TBC1D3B: variants seen among roughly 807,000 people sequenced by gnomAD.
TBC1D3B encodes the protein TBC1 domain family member 3B.
Under a neutral mutation model 27.1 loss-of-function variants are expected in TBC1D3B, and 2 were observed. That is an observed-to-expected ratio of 0.07 (90% confidence interval 0.03 to 0.23). The LOEUF is 0.23. Ranked by LOEUF, TBC1D3B falls within the 10% of genes least tolerant of loss-of-function variation. The pLI is 1.00. For synonymous variants in TBC1D3B, 3 were observed against 150.1 expected (o/e 0.02, Z 7.16); for missense variants, 17 against 401.3 (o/e 0.04, Z 8.18).
In TBC1D3B at chr17:36,168,912, G is replaced by A. The variant is rs2068301251; in HGVS notation, c.762+168C>T. ...TCCCTGTGCCTCTGTCTCCTCCAGG[G>A]CAGGAAAGGAAACCAACTCCCAGCC... On this transcript the variant is annotated intron_variant, in intron 10 of 13. Coordinates refer to ENST00000611257, the MANE Select transcript of TBC1D3B (RefSeq NM_001001417.7). 1.7e-5 allele frequency among the ~76,000 whole-genome samples: 2 copies of A among 121,076 alleles called. 1 individual carries two copies. Among genetic ancestry groups the A allele is most frequent in the Non-Finnish European group, 4.2e-5 (2 of 47,708 alleles). 79.4% of individuals were successfully genotyped at this position (121,076 alleles called of 152,430 possible). A position where few individuals can be genotyped will look rare whatever the true frequency, so the allele number is the denominator to read the frequency against.
intron 7 of TBC1D3B, among the ~76,000 whole-genome samples, chr17:36,171,299 C>T (rs1439277722): frequency 1.3e-5 from 2 of 151,188 alleles, no homozygotes; most frequent in Admixed American, 1.3e-4. Context: ...AAGCAGTGAA[C>T]CTGGCATGCT....
Position 36,168,353 on chromosome 17 carries a change from G to GA in TBC1D3B, c.829-188dup, listed in dbSNP as rs1256225661. ...CATGGGGGGCACTCATTTGAGTGGG[G>GA]ATGTGGCTCCTGGAGAGAGGGGCTT... On this transcript the variant is annotated intron_variant, in intron 11 of 13. Transcript: ENST00000611257. 1.0e-4 allele frequency among the ~76,000 whole-genome samples: 6 copies of GA among 57,656 alleles called. 2 individuals are homozygous for GA. The highest frequency in any genetic ancestry group is 3.5e-4 in the Admixed American group (3 of 8,506). 37.8% of individuals were successfully genotyped at this position (57,656 alleles called of 152,430 possible). A position where few individuals can be genotyped will look rare whatever the true frequency, so the allele number is the denominator to read the frequency against.
chr17:36,168,340 T>C (rs1185502029), intron 11 of TBC1D3B, among the ~76,000 whole-genome samples, 174 bp from the exon 12 acceptor site: 9 of 55,380 alleles, frequency 1.6e-4, no homozygotes, highest in African/African-American at 5.0e-4. Flanking sequence ...TGGGGGGCAC[T>C]CATTTGAGTG....
intron 7 of TBC1D3B, among the ~76,000 whole-genome samples, chr17:36,171,257 C>G (rs2068348734): frequency 6.6e-6 from 1 of 150,792 alleles, no homozygotes; most frequent in Non-Finnish European, 1.5e-5. Context: ...AAGGCCGTCC[C>G]CGAAGGCTCC....
At chr17:36,169,616 G>A (rs1204900847) in intron 9 of TBC1D3B, among the ~76,000 whole-genome samples, 33 of 134,908 alleles carry the variant, frequency 2.4e-4, no homozygotes, top group Admixed American at 2.1e-3. Flanking sequence ...AGAGTCAGCT[G>A]CACAGAATCA....
chr17:36,167,205 G>C lies in TBC1D3B; in HGVS notation c.1081+339C>G, dbSNP rs1475844960. On this transcript the variant is annotated intron_variant, in intron 13 of 13. Transcript: ENST00000611257. ...CTCTCTGAGGCTGTGGGTGCTTGCAGGGAGGGGCGGGGTCTCCCACAAATG... is the reference window on the plus strand; with the variant it reads ...CTCTCTGAGGCTGTGGGTGCTTGCACGGAGGGGCGGGGTCTCCCACAAATG... Among the ~76,000 whole-genome samples the C allele has an allele frequency of 3.7e-5, 3 of 80,426 alleles. 1 individual carries two copies. The highest frequency in any genetic ancestry group is 8.9e-5 in the African/African-American group (3 of 33,850). 52.8% of individuals were successfully genotyped at this position (80,426 alleles called of 152,430 possible). A position where few individuals can be genotyped will look rare whatever the true frequency, so the allele number is the denominator to read the frequency against.
intron 10 of TBC1D3B, 36 bp downstream of exon 10, chr17:36,169,044 G>C (rs2068304640): frequency 6.2e-7 from 1 of 1,601,066 alleles, no homozygotes; most frequent in African/African-American, 1.3e-5. Context: ...CGGGAGGCAG[G>C]GCCTCTGGGA....
At chr17:36,169,391 G>C (rs1335698661) in intron 9 of TBC1D3B, among the ~76,000 whole-genome samples, 1 of 149,276 alleles carries the variant, frequency 6.7e-6, no homozygotes, top group African/African-American at 2.4e-5. Context: ...TCCTGGGCCA[G>C]GGTGCAAAAA....
intron 7 of TBC1D3B, 73 bp downstream of exon 7, chr17:36,171,782 C>T (rs1276464719): frequency 1.5e-6 from 1 of 689,646 alleles, no homozygotes; most frequent in East Asian, 2.4e-5. Context: ...ACCCTGGCTT[C>T]TGCTCCGGGG....
chr17:36,170,793 C>T (rs1169817017), intron 7 of TBC1D3B, among the ~76,000 whole-genome samples, 190 bp from the exon 8 acceptor site: 1 of 81,046 alleles, frequency 1.2e-5, no homozygotes, highest in Non-Finnish European at 4.3e-5. Flanking sequence ...ATGCAAATAG[C>T]CCAGTTGTAC....
At position 36,169,100 on chromosome 17, in the gene TBC1D3B, A is replaced by C. The variant is rs1369570049; in HGVS notation, c.742T>G (p.Ser248Ala). 6.3e-7 allele frequency: 1 copy of C among 1,594,402 alleles called. No homozygotes were observed. The highest frequency in any genetic ancestry group is 8.5e-7 in the Non-Finnish European group (1 of 1,171,236). ...CTCACCTGATGCCCCATGGTCTTGG[A>C]TTGTGACGTGGCTACCACATGCTCC... ...QQEHVVATSQ[S>A]KTMGHQDKKD... is the part of the protein sequence containing the mutation. Residue 248 changes from serine to alanine, a missense_variant, in exon 10 of 14, where the codon TCC (serine) becomes GCC (alanine). Transcript: ENST00000611257.
intron 9 of TBC1D3B, 92 bp from the exon 10 acceptor site, chr17:36,169,266 A>G (rs2142167744): frequency 6.4e-7 from 1 of 1,568,206 alleles, no homozygotes; most frequent in Non-Finnish European, 8.8e-7. Flanking sequence ...AGAGGCCCCC[A>G]AACCCCAAGG....
At chr17:36,169,483 G>A (rs1223241479) in intron 9 of TBC1D3B, among the ~76,000 whole-genome samples, 4 of 150,078 alleles carry the variant, frequency 2.7e-5, no homozygotes, top group Non-Finnish European at 4.5e-5. Flanking sequence ...CTGGTAGTGG[G>A]GTCGGGCCAG....
At chr17:36,171,153 C>G (rs1473280523) in intron 7 of TBC1D3B, among the ~76,000 whole-genome samples, 6 of 148,580 alleles carry the variant, frequency 4.0e-5, no homozygotes, top group Non-Finnish European at 9.1e-5. Flanking sequence ...AGGATCCACC[C>G]ACGTTCGTGC....
intron 9 of TBC1D3B, among the ~76,000 whole-genome samples, chr17:36,169,409 C>A (rs1472624099): frequency 4.0e-5 from 6 of 149,260 alleles, no homozygotes; most frequent in Admixed American, 4.0e-4. Flanking sequence ...AAAGGGCAAG[C>A]CTGACTTTCA....
intron 7 of TBC1D3B, among the ~76,000 whole-genome samples, chr17:36,171,164 G>A (rs1409029316): frequency 2.8e-4 from 42 of 148,734 alleles, no homozygotes; most frequent in Middle Eastern, 3.5e-3. Flanking sequence ...ACGTTCGTGC[G>A]GGCATCACCG....
intron 9 of TBC1D3B, among the ~76,000 whole-genome samples, chr17:36,169,482 G>C (rs1476980001): frequency 6.7e-6 from 1 of 150,186 alleles, no homozygotes; most frequent in East Asian, 1.9e-4. Context: ...CCTGGTAGTG[G>C]GGTCGGGCCA....
chr17:36,167,867 TGCTCA>T (rs2142164241), intron 12 of TBC1D3B, among the ~76,000 whole-genome samples, 171 bp from the exon 13 acceptor site: 27,930 of 80,560 alleles, frequency 0.35, 1,853 homozygotes, highest in Non-Finnish European at 0.44. Flanking sequence ...GACAGGGAAG[TGCTCA>T]CCACACTCTC....
At chr17:36,167,160 G>A (rs2068268506) in intron 13 of TBC1D3B, among the ~76,000 whole-genome samples, 1 of 101,706 alleles carries the variant, frequency 9.8e-6, no homozygotes, top group African/African-American at 2.6e-5. Context: ...GGAGCGTGCA[G>A]GAGTGAGGGG....
Sources: allele counts gnomAD v4.1 joint callset (sites outside exome capture counted in the v4.1 genomes callset), GRCh38; gene constraint gnomAD v4.1.1; transcripts MANE v1.5; gene names NCBI Gene and HGNC (gene_info 2026-07-23, HGNC 2026-07-21).